The following VCPIP1 variants were observed in gnomAD, a reference collection of about 807,000 sequenced individuals.
The protein encoded by VCPIP1 is deubiquitinating protein VCPIP1.
VCPIP1 carries 8 observed loss-of-function variants against 85.0 expected under a neutral mutation model. The observed-to-expected ratio is 0.09, with a 90% confidence interval of 0.06 to 0.17. The LOEUF is 0.17. Among genes scored for constraint, VCPIP1 ranks in the 10% least tolerant of loss-of-function variants. VCPIP1 has a pLI of 1.00. For synonymous variants in VCPIP1, 543 were observed against 544.5 expected (o/e 1.00, Z 0.04); for missense variants, 1,070 against 1,486.3 (o/e 0.72, Z 4.61).
intron 1 of VCPIP1, among the ~76,000 whole-genome samples, chr8:66,656,350 A>C (rs968922390): frequency 6.6e-6 from 1 of 152,074 alleles, no homozygotes; most frequent in Non-Finnish European, 1.5e-5. Context: ...GTGTGCCACC[A>C]CAGCCGCTAA....
In VCPIP1 at chr8:66,664,770, C is replaced by T. The variant is rs1480841144; in HGVS notation, c.2189G>A (p.Arg730Gln). Residue 730 changes from arginine to glutamine, a missense_variant, in exon 1 of 3, where the codon CGG (arginine) becomes CAG (glutamine). By Grantham distance (43) the Arg-to-Gln change is conservative. Transcript: ENST00000310421. ...TTCTTGTTTTAACTTCTCTGTTTTC[C>T]GTTTCTGCATTACAGAAGCCTGTTC... Reference protein sequence around the residue: ...ITEQASVMQKRKTEKLKQEQK... With the variant: ...ITEQASVMQKQKTEKLKQEQK... The T allele has an allele frequency of 3.7e-6, 6 of 1,612,422 alleles. No individual in the cohort carries two copies. Among genetic ancestry groups the T allele is most frequent in the East Asian group, 4.5e-5 (2 of 44,886 alleles).
chr8:66,640,206 T>C (rs767162622), intron 2 of VCPIP1, among the ~76,000 whole-genome samples: 1 of 152,242 alleles, frequency 6.6e-6, no homozygotes, highest in Non-Finnish European at 1.5e-5. Flanking sequence ...CCATTTCAAA[T>C]GGCTGTGTTA....
chr8:66,666,912 G>A lies in VCPIP1; in HGVS notation c.47C>T (p.Pro16Leu). ...CGGAGTCTGTGGAGCCTCAGGGGGA[G>A]GAGGTGGCGGCGGCAACGGAGGCGG... Reference protein sequence around the residue: ...PPPPPLPPPPPPPEAPQTPSS... With the variant: ...PPPPPLPPPPLPPEAPQTPSS... The change falls in exon 1 of 3, where the codon CCT becomes CTT. Residue 16 changes from proline (P) to leucine (L), a missense_variant. Physicochemically the swap from Pro to Leu is moderately conservative, Grantham distance 98. This residue lies in a region of VCPIP1 where 164 missense variants were observed against 158.6 expected (regional missense o/e 1.03). Coordinates refer to ENST00000310421, the MANE Select transcript of VCPIP1 (RefSeq NM_025054.5). This position sits in a 1 kb window ranked among gnomAD's most constrained non-coding sequence, Gnocchi z 6.3. 6.3e-7 allele frequency: 1 copy of A among 1,592,050 alleles called. No individual in the cohort carries two copies. The highest frequency in any genetic ancestry group is 8.5e-7 in the Non-Finnish European group (1 of 1,173,616).
Position 66,664,942 on chromosome 8 carries a change from C to T in VCPIP1, c.2017G>A (p.Ala673Thr), listed in dbSNP as rs770580731. 3.1e-6 allele frequency: 5 copies of T among 1,614,004 alleles called. No individual in the cohort carries two copies. In the Admixed American group the frequency reaches 5.0e-5, roughly 16 times the overall value. ...YTPVNIDGAH[A>T]QRVGDVQGQE... Reference sequence around the variant, plus strand: ...CCTTGAACATCTCCAACTCTTTGGGCGTGAGCACCATCTATATTTACAGGA... The same window carrying T: ...CCTTGAACATCTCCAACTCTTTGGGTGTGAGCACCATCTATATTTACAGGA... The change falls in exon 1 of 3, where the codon GCC becomes ACC. Residue 673 changes from alanine to threonine, a missense_variant. Physicochemically the swap from Ala to Thr is moderately conservative, Grantham distance 58. Transcript: ENST00000310421.
At position 66,634,262 on chromosome 8, in the gene VCPIP1, G is replaced by A; in HGVS notation, c.*239C>T. On this transcript the variant is annotated 3_prime_UTR_variant, in exon 3 of 3. Coordinates refer to ENST00000310421, the MANE Select transcript of VCPIP1 (RefSeq NM_025054.5). Reference sequence around the variant, plus strand: ...GAACTTCCAATGAACCACATATATGGAAGAAAGTCATCTCAGCAGATCTAA... The same window carrying A: ...GAACTTCCAATGAACCACATATATGAAAGAAAGTCATCTCAGCAGATCTAA... The A allele has an allele frequency of 2.7e-6, 1 of 369,466 alleles. No homozygotes were observed. Among genetic ancestry groups the A allele is most frequent in the Non-Finnish European group, 4.8e-6 (1 of 209,026 alleles). The allele number at this position is 369,466 out of a possible 1,614,324, so 22.9% of individuals were successfully genotyped here. A position where few individuals can be genotyped will look rare whatever the true frequency, so the allele number is the denominator to read the frequency against.
Position 66,666,822 on chromosome 8 carries a change from G to C in VCPIP1, c.137C>G (p.Ser46Cys), listed in dbSNP as rs376119328. The part of the protein sequence containing the change: ...LLKRRDRRIL[S>C]GSCPDPKCQA... ...ACACTTCGGATCCGGGCAGCTCCCG[G>C]AAAGGATTCTCCGGTCTCTCCGCTT... Residue 46 changes from serine to cysteine, a missense_variant, in exon 1 of 3, where the codon TCC becomes TGC. By Grantham distance (112) the Ser-to-Cys change is moderately radical. This residue lies in a region of VCPIP1 where 164 missense variants were observed against 158.6 expected (regional missense o/e 1.03). Transcript: ENST00000310421. The surrounding 1 kb of genome is among the most constrained non-coding windows in gnomAD (Gnocchi z 6.3). The C allele has an allele frequency of 8.1e-5, 131 of 1,613,934 alleles. No homozygotes were observed. The highest frequency in any genetic ancestry group is 1.1e-4 in the Non-Finnish European group (130 of 1,179,978).
chr8:66,642,580 T>C (rs930810266), intron 2 of VCPIP1, among the ~76,000 whole-genome samples: 2 of 152,318 alleles, frequency 1.3e-5, no homozygotes, highest in Middle Eastern at 3.4e-3. Context: ...TTTGAATTAA[T>C]TTTGTATATG....
chr8:66,634,563 C>A lies in VCPIP1; in HGVS notation c.3607G>T (p.Glu1203Ter), dbSNP rs777865707. The change falls in exon 3 of 3, where the codon GAA becomes TAA. Residue 1203 changes from glutamate (E) to a stop codon, truncating the protein, a stop_gained. Coordinates refer to ENST00000310421, the MANE Select transcript of VCPIP1 (RefSeq NM_025054.5). LOFTEE classifies it high-confidence loss of function. ...AQRGNSVEELEEMDSQDAEMT... is the reference protein window; with the variant it reads ...AQRGNSVEEL ...TCAGCATCTTGACTATCCATCTCTT[C>A]AAGCTCCTCCACGGAATTTCCCCTT... 1 of 1,613,864 alleles carries A rather than the reference C, an allele frequency of 6.2e-7. No individual in the cohort carries two copies. Among genetic ancestry groups the A allele is most frequent in the East Asian group, 2.2e-5 (1 of 44,906 alleles).
chr8:66,634,375 T>C lies in VCPIP1; in HGVS notation c.*126A>G. On this transcript the variant is annotated 3_prime_UTR_variant, in exon 3 of 3. Coordinates refer to ENST00000310421, the MANE Select transcript of VCPIP1 (RefSeq NM_025054.5). ...CACACACTTGCTATCATGCACTGAA[T>C]AACAAGATATAATCTTTGAATTATA... The C allele has an allele frequency of 8.6e-7, 1 of 1,158,600 alleles. No homozygotes were observed. 71.8% of individuals were successfully genotyped at this position (1,158,600 alleles called of 1,614,324 possible).
In VCPIP1 at chr8:66,664,812, A is replaced by G. The variant is rs1586631078; in HGVS notation, c.2147T>C (p.Ile716Thr). 1.2e-6 allele frequency: 2 copies of G among 1,612,838 alleles called. No individual in the cohort carries two copies. The highest frequency in any genetic ancestry group is 1.7e-6 in the Non-Finnish European group (2 of 1,179,664). ...ELNMSKTERT[I>T]QQNITEQASV... ...AGCCTGTTCCGTAATATTCTGTTGAATAGTTCTTTCAGTTTTACTCATGTT... is the reference window on the plus strand; with the variant it reads ...AGCCTGTTCCGTAATATTCTGTTGAGTAGTTCTTTCAGTTTTACTCATGTT... Residue 716 changes from isoleucine to threonine, a missense_variant, in exon 1 of 3, where the codon ATT (isoleucine) becomes ACT (threonine). Around this residue, in one of 8 missense-constraint regions of VCPIP1, gnomAD observed 278 missense variants for 298.5 expected, o/e 0.93. Coordinates refer to ENST00000310421, the MANE Select transcript of VCPIP1 (RefSeq NM_025054.5).
chr8:66,650,058 A>T (rs1161110991), intron 2 of VCPIP1, among the ~76,000 whole-genome samples: 1 of 144,924 alleles, frequency 6.9e-6, no homozygotes, highest in Non-Finnish European at 1.5e-5. Context: ...TGTAATAATG[A>T]CTTTTTTTTT....
At chr8:66,649,109 G>A (rs547661687) in intron 2 of VCPIP1, among the ~76,000 whole-genome samples, 1 of 152,182 alleles carries the variant, frequency 6.6e-6, no homozygotes, top group East Asian at 1.9e-4. Context: ...GCTAGAGGCT[G>A]CAGTGAGTCA....
intron 2 of VCPIP1, 36 bp downstream of exon 2, chr8:66,651,422 A>G: frequency 6.9e-7 from 1 of 1,459,412 alleles, no homozygotes; most frequent in Middle Eastern, 1.8e-4. Flanking sequence ...GCTTCAGTAG[A>G]GCTATTATTT....
At chr8:66,636,432 G>A (rs73251887) in intron 2 of VCPIP1, among the ~76,000 whole-genome samples, 13,669 of 151,774 alleles carry the variant, frequency 0.09, 1,278 homozygotes, top group African/African-American at 0.23. Flanking sequence ...CCTGTTGGAA[G>A]TATATGCAGT....
chr8:66,655,917 T>G (rs1586627912), intron 1 of VCPIP1, among the ~76,000 whole-genome samples: 1 of 152,142 alleles, frequency 6.6e-6, no homozygotes, highest in African/African-American at 2.4e-5. Context: ...TCTATACTAC[T>G]GCCTTGCTTC....
Position 66,666,003 on chromosome 8 carries a change from G to A in VCPIP1, c.956C>T (p.Ser319Leu). 6.2e-7 allele frequency: 1 copy of A among 1,614,182 alleles called. No homozygotes were observed. The highest frequency in any genetic ancestry group is 8.5e-7 in the Non-Finnish European group (1 of 1,180,030). Residue 319 changes from serine to leucine, a missense_variant, in exon 1 of 3, where the codon TCA (serine) becomes TTA (leucine). Coordinates refer to ENST00000310421, the MANE Select transcript of VCPIP1 (RefSeq NM_025054.5). This position sits in a 1 kb window ranked among gnomAD's most constrained non-coding sequence, Gnocchi z 6.3. The part of the protein sequence containing the change: ...LSGMRSSGDY[S>L]ATFLPGLIPA... ...GATGAGCCCAGGTAGAAAGGTGGCT[G>A]AATAATCACCAGAGCTTCTCATGCC...
At position 66,666,423 on chromosome 8, in the gene VCPIP1, C is replaced by T; in HGVS notation, c.536G>A (p.Gly179Asp). The T allele has an allele frequency of 1.9e-6, 3 of 1,614,140 alleles. No homozygotes were observed. Among genetic ancestry groups the T allele is most frequent in the Non-Finnish European group, 2.5e-6 (3 of 1,180,026 alleles). ...LIEPEHVNTV[G>D]YGKDRSGSLL... is the part of the protein sequence containing the mutation. ...GCTTCCGGAGCGGTCCTTGCCATAG[C>T]CCACAGTGTTAACATGCTCTGGTTC... The change falls in exon 1 of 3, where the codon GGC becomes GAC. Residue 179 changes from glycine (G) to aspartate (D), a missense_variant. Physicochemically the swap from Gly to Asp is moderately conservative, Grantham distance 94 (BLOSUM62 -1). Around this residue, in one of 8 missense-constraint regions of VCPIP1, gnomAD observed 118 missense variants for 337.1 expected, o/e 0.35. Coordinates refer to ENST00000310421, the MANE Select transcript of VCPIP1 (RefSeq NM_025054.5). This position sits in a 1 kb window ranked among gnomAD's most constrained non-coding sequence, Gnocchi z 6.3.
At position 66,650,350 on chromosome 8, in the gene VCPIP1, G is replaced by A. The variant is rs1049408849; in HGVS notation, c.2797+1108C>T. On this transcript the variant is annotated intron_variant, in intron 2 of 2. Coordinates refer to ENST00000310421, the MANE Select transcript of VCPIP1 (RefSeq NM_025054.5). ...AGGAAAAAAAAGTGTATGAGGAAGA[G>A]ATGAAAACAACAAGATTATGCAATT... Among the ~76,000 whole-genome samples the A allele has an allele frequency of 2.0e-5, 3 of 152,152 alleles. No individual in the cohort carries two copies. The East Asian group carries it at 5.8e-4, about 29-fold the overall frequency.
At position 66,664,961 on chromosome 8, in the gene VCPIP1, T is replaced by C. The variant is rs759448011; in HGVS notation, c.1998A>G (p.Val666=). ...TTTGGGCGTGAGCACCATCTATATT[T>C]ACAGGAGTATAATCATCGGGATTCT... ...AKKNPDDYTP[V]NIDGAHAQRV... is the part of the protein sequence containing the mutation. The change falls in exon 1 of 3, where the codon GTA becomes GTG. Residue 666 remains valine, a synonymous_variant. Transcript: ENST00000310421. The C allele has an allele frequency of 6.2e-6, 10 of 1,613,892 alleles. No homozygotes were observed. The African/African-American group carries it at 1.2e-4, about 19-fold the overall frequency.
Sources: allele counts gnomAD v4.1 joint callset (sites outside exome capture counted in the v4.1 genomes callset), GRCh38; gene constraint gnomAD v4.1.1; regional missense constraint gnomAD v4.1.1; non-coding constraint Gnocchi (gnomAD v3.1); transcripts MANE v1.5; gene names NCBI Gene and HGNC (gene_info 2026-07-23, HGNC 2026-07-21).